Variants in ADAMTS3 observed in about 807,000 individuals in gnomAD.
ADAMTS3 encodes the protein ADAM metallopeptidase with thrombospondin type 1 motif 3.
Under a neutral mutation model 129.0 loss-of-function variants are expected in ADAMTS3, and 73 were observed. That is an observed-to-expected ratio of 0.57 (90% CI 0.47 to 0.69). ADAMTS3 has a LOEUF of 0.69. ADAMTS3 is among the 30% of genes least tolerant of loss of function. The pLI, the probability that ADAMTS3 is intolerant of heterozygous loss-of-function variation, is 0.00. For missense variants in ADAMTS3, 1,457 were observed against 1,514.5 expected (o/e 0.96, Z 0.63); for synonymous variants, 477 against 510.8 (o/e 0.93, Z 0.89).
intron 3 of ADAMTS3, among the ~76,000 whole-genome samples, chr4:72,495,235 T>C (rs788925): frequency 6.6e-6 from 1 of 152,134 alleles, no homozygotes; most frequent in Admixed American, 6.6e-5. Context: ...AGTGACACCG[T>C]TATCTAAGGT....
intron 13 of ADAMTS3, 63 bp from the exon 14 acceptor site, chr4:72,311,244 T>C (rs996104521): frequency 1.5e-6 from 2 of 1,378,210 alleles, no homozygotes; most frequent in South Asian, 3.1e-5. Flanking sequence ...ACAGCATAGT[T>C]TATTTTATTT....
chr4:72,512,978 T>C (rs549968425), intron 3 of ADAMTS3, among the ~76,000 whole-genome samples: 1 of 152,240 alleles, frequency 6.6e-6, no homozygotes, highest in East Asian at 1.9e-4. Context: ...TAAAAATACA[T>C]CTTCAAGACA....
At chr4:72,566,072 G>A (rs1362489974) in intron 2 of ADAMTS3, among the ~76,000 whole-genome samples, 8 of 152,262 alleles carry the variant, frequency 5.3e-5, no homozygotes, top group Non-Finnish European at 1.2e-4. Context: ...ATGGCTGAAT[G>A]TTATCAACTA....
chr4:72,528,445 G>T (rs940889216), intron 3 of ADAMTS3, among the ~76,000 whole-genome samples: 34 of 150,772 alleles, frequency 2.3e-4, no homozygotes, highest in Admixed American at 9.3e-4. Flanking sequence ...TCATTCTATG[G>T]TGTATACACA....
intron 3 of ADAMTS3, among the ~76,000 whole-genome samples, chr4:72,546,590 C>T (rs1435142044): frequency 1.3e-5 from 2 of 152,022 alleles, no homozygotes; most frequent in African/African-American, 2.4e-5. Context: ...TTCCCTCTGA[C>T]GACAGTCCAG....
chr4:72,528,811 A>G (rs1221997078), intron 3 of ADAMTS3, among the ~76,000 whole-genome samples: 1 of 152,136 alleles, frequency 6.6e-6, no homozygotes, highest in African/African-American at 2.4e-5. Context: ...TCCAAAATCC[A>G]TACCAATCAG....
At chr4:72,514,722 A>G (rs1578750064) in intron 3 of ADAMTS3, among the ~76,000 whole-genome samples, 1 of 152,322 alleles carries the variant, frequency 6.6e-6, no homozygotes, top group East Asian at 1.9e-4. Context: ...AGCTTCTTAC[A>G]CACAGACAAA....
chr4:72,411,188 GGATT>G (rs753745616), intron 4 of ADAMTS3, among the ~76,000 whole-genome samples: 1 of 151,992 alleles, frequency 6.6e-6, no homozygotes, highest in African/African-American at 2.4e-5. Flanking sequence ...GCTATATATG[GGATT>G]GATTGATTGT....
chr4:72,413,168 A>G (rs1372946713), intron 4 of ADAMTS3, among the ~76,000 whole-genome samples: 3 of 151,972 alleles, frequency 2.0e-5, no homozygotes, highest in African/African-American at 7.2e-5. Flanking sequence ...TCAGGAATTG[A>G]AATGTAGTAA....
intron 3 of ADAMTS3, among the ~76,000 whole-genome samples, chr4:72,495,643 T>C (rs1719855879): frequency 2.0e-5 from 3 of 152,106 alleles, no homozygotes; most frequent in South Asian, 4.1e-4. Context: ...AAAAAATACC[T>C]AGAAAAATCA....
Position 72,290,961 on chromosome 4 carries a change from T to G in ADAMTS3, c.2825A>C (p.Asn942Thr). Residue 942 changes from asparagine to threonine, a missense_variant, in exon 20 of 22, where the codon AAC (asparagine) becomes ACC (threonine). By Grantham distance (65) the Asn-to-Thr change is moderately conservative. Coordinates refer to ENST00000286657, the MANE Select transcript of ADAMTS3 (RefSeq NM_014243.3). ...RCLQPLLDGT[N>T]RSVHSKYCMG... ...GCAGTATTTGCTGTGCACAGAGCGG[T>G]TGGTGCCATCAAGGAGTGGCTGAAG... 1 of 1,613,998 alleles carries G rather than the reference T, an allele frequency of 6.2e-7. No homozygotes were observed. The highest frequency in any genetic ancestry group is 8.5e-7 in the Non-Finnish European group (1 of 1,179,972).
rs1039204662 is a variant in ADAMTS3, at chr4:72,526,781, C to G, written c.504+21697G>C. Among the ~76,000 whole-genome samples the G allele has an allele frequency of 3.5e-3, 321 of 91,584 alleles. 1 individual carries two copies. Among genetic ancestry groups the G allele is most frequent in the African/African-American group, 7.8e-3 (185 of 23,784 alleles). 60.1% of individuals were successfully genotyped at this position (91,584 alleles called of 152,430 possible). Reference sequence around the variant, plus strand: ...ATATATATATATATATATATATAGACAGAGAGAGAGAGAGAGAGAGAGGAA... The same window carrying G: ...ATATATATATATATATATATATAGAGAGAGAGAGAGAGAGAGAGAGAGGAA... On this transcript the variant is annotated intron_variant, in intron 3 of 21. Transcript: ENST00000286657.
chr4:72,425,410 T>C (rs1421115793), intron 3 of ADAMTS3, among the ~76,000 whole-genome samples: 1 of 152,180 alleles, frequency 6.6e-6, no homozygotes, highest in Non-Finnish European at 1.5e-5. Context: ...TGGATACATG[T>C]GCCATGTTGG....
Position 72,319,923 on chromosome 4 carries a change from A to G in ADAMTS3, c.1143T>C (p.Ser381=). The G allele has an allele frequency of 2.5e-6, 4 of 1,613,902 alleles. No individual in the cohort carries two copies. Among genetic ancestry groups the G allele is most frequent in the African/African-American group, 2.7e-5 (2 of 75,028 alleles). ...PVTGMCHPVR[S]CTLNHEDGFS... ...AACCATCCTCATGATTCAGGGTACA[A>G]CTTCTCACTGGATGACACATGCCGG... Residue 381 remains serine, a synonymous_variant, in exon 8 of 22, where the codon AGT becomes AGC. Transcript: ENST00000286657.
At chr4:72,378,324 A>G (rs1157318532) in intron 4 of ADAMTS3, among the ~76,000 whole-genome samples, 1 of 152,190 alleles carries the variant, frequency 6.6e-6, no homozygotes, top group East Asian at 1.9e-4. Context: ...TCTTCCTTGT[A>G]TTCATTAGAA....
intron 3 of ADAMTS3, among the ~76,000 whole-genome samples, chr4:72,485,411 T>C (rs953262123): frequency 1.3e-5 from 2 of 152,168 alleles, no homozygotes; most frequent in African/African-American, 2.4e-5. Context: ...GATCAGATCA[T>C]AGAGAATAGA....
At chr4:72,391,129 A>T (rs2109893067) in intron 4 of ADAMTS3, among the ~76,000 whole-genome samples, 1 of 152,316 alleles carries the variant, frequency 6.6e-6, no homozygotes, top group African/African-American at 2.4e-5. Context: ...TTTGGAATAA[A>T]GGACCAGGTT....
At chr4:72,337,121 C>T (rs1720011927) in intron 5 of ADAMTS3, among the ~76,000 whole-genome samples, 1 of 152,126 alleles carries the variant, frequency 6.6e-6, no homozygotes, top group African/African-American at 2.4e-5. Context: ...GAGTGTTATT[C>T]TTACCTCTCC....
intron 2 of ADAMTS3, among the ~76,000 whole-genome samples, chr4:72,561,292 A>T (rs993217422): frequency 6.6e-6 from 1 of 151,810 alleles, no homozygotes; most frequent in Admixed American, 6.6e-5. Context: ...GGTTGCAGGG[A>T]GCTGAGATTG....
Sources: allele counts gnomAD v4.1 joint callset (sites outside exome capture counted in the v4.1 genomes callset), GRCh38; gene constraint gnomAD v4.1.1; transcripts MANE v1.5; gene names NCBI Gene and HGNC (gene_info 2026-07-23, HGNC 2026-07-21).